RAD51B: variants seen among roughly 807,000 people sequenced by gnomAD.
RAD51B encodes RAD51 paralog B.
In RAD51B, 38 loss-of-function variants were observed where a neutral mutation model predicts 42.2. The observed-to-expected ratio is 0.90, with a 90% CI of 0.70 to 1.18. The LOEUF (loss-of-function observed/expected upper bound fraction) is 1.18, where lower values mean the gene tolerates loss of function less well. Among genes scored for constraint, RAD51B ranks in the 50% most tolerant of loss-of-function variants. The pLI is 0.00. For synonymous variants in RAD51B, 154 were observed against 145.2 expected (o/e 1.06, Z -0.43); for missense variants, 373 against 400.7 (o/e 0.93, Z 0.59).
At chr14:68,624,200 C>T (rs1171547692) in intron 10 of RAD51B, among the ~76,000 whole-genome samples, 1 of 152,184 alleles carries the variant, frequency 6.6e-6, no homozygotes, top group Admixed American at 6.5e-5. Flanking sequence ...GATTTCAGCA[C>T]ATGTTTGATG....
At chr14:68,577,564 C>T (rs1890018137) in intron 10 of RAD51B, among the ~76,000 whole-genome samples, 1 of 152,082 alleles carries the variant, frequency 6.6e-6, no homozygotes, top group Non-Finnish European at 1.5e-5. Context: ...AATCACAAGC[C>T]ATGAGCCAGG....
At chr14:68,570,662 C>T (rs945726607) in intron 10 of RAD51B, among the ~76,000 whole-genome samples, 9 of 152,240 alleles carry the variant, frequency 5.9e-5, no homozygotes, top group African/African-American at 1.9e-4. Flanking sequence ...CTGTGTCCAG[C>T]CCCCATCCCC....
intron 7 of RAD51B, among the ~76,000 whole-genome samples, chr14:68,241,548 A>T (rs943791452): frequency 3.9e-5 from 6 of 152,180 alleles, no homozygotes; most frequent in East Asian, 1.9e-4. Context: ...CTCAAAATAT[A>T]AAAAAATAAA....
At chr14:68,030,810 A>C (rs1051771343) in intron 7 of RAD51B, among the ~76,000 whole-genome samples, 2 of 152,182 alleles carry the variant, frequency 1.3e-5, no homozygotes. Flanking sequence ...ACTAAGCTTA[A>C]TTTAAAGTAA....
At chr14:68,326,038 C>CT (rs763428544) in intron 8 of RAD51B, among the ~76,000 whole-genome samples, 1,543 of 80,440 alleles carry the variant, frequency 0.019, 40 homozygotes, top group Non-Finnish European at 0.03. Flanking sequence ...TTTTTCTTTT[C>CT]TTTTTTTTTT....
At chr14:68,583,681 T>C (rs958537998) in intron 10 of RAD51B, among the ~76,000 whole-genome samples, 2 of 152,150 alleles carry the variant, frequency 1.3e-5, no homozygotes, top group East Asian at 3.9e-4. Context: ...TCAGCTCACA[T>C]GTGCAAGCTC....
At chr14:68,681,160 C>G (rs983474323) in intron 11 of RAD51B, among the ~76,000 whole-genome samples, 4 of 152,132 alleles carry the variant, frequency 2.6e-5, no homozygotes, top group Non-Finnish European at 4.4e-5. Context: ...CCTGGGTGGG[C>G]CTCAGTTTAC....
chr14:68,259,909 G>C (rs2080841705), intron 7 of RAD51B, among the ~76,000 whole-genome samples: 1 of 152,192 alleles, frequency 6.6e-6, no homozygotes, highest in Non-Finnish European at 1.5e-5. Flanking sequence ...GGCCAGGCAT[G>C]TGTTGGGCAT....
chr14:67,983,927 G>GT (rs1010374119), intron 7 of RAD51B, among the ~76,000 whole-genome samples: 153 of 145,050 alleles, frequency 1.1e-3, no homozygotes, highest in East Asian at 1.2e-3. Context: ...GACAGGGCTG[G>GT]TTTTTTTTTT....
intron 10 of RAD51B, among the ~76,000 whole-genome samples, chr14:68,548,222 G>C (rs1033107253): frequency 1.3e-5 from 2 of 152,116 alleles, no homozygotes; most frequent in Non-Finnish European, 2.9e-5. Context: ...CTTAGTGCTG[G>C]GTGAGTTCAT....
At chr14:67,927,573 A>G (rs1213366317) in intron 7 of RAD51B, among the ~76,000 whole-genome samples, 3 of 152,204 alleles carry the variant, frequency 2.0e-5, no homozygotes, top group Non-Finnish European at 4.4e-5. Flanking sequence ...CCACATGTGA[A>G]TGAGAACGTG....
rs188719815 is a variant in RAD51B at position 68,010,995 on chromosome 14, A to G, written c.756+123791A>G. On this transcript the variant is annotated intron_variant, in intron 7 of 10. Coordinates refer to ENST00000471583, the MANE Select transcript of RAD51B (RefSeq NM_133510.4). ...GTAGTTTGGATAATCTTTTGGATGA[A>G]AGAAAGGTAGTGAGTCATACAAAAT... Among the ~76,000 whole-genome samples, 345 of 152,048 alleles carry G rather than the reference A, an allele frequency of 2.3e-3. 5 individuals carry two copies. Among genetic ancestry groups the G allele is most frequent in the East Asian group, 3.5e-3 (18 of 5,188 alleles).
rs892954784 is a variant in RAD51B, at chr14:68,562,957, A to G, written c.1037-31528A>G. 5.1e-6 allele frequency: 5 copies of G among 985,348 alleles called. No individual in the cohort carries two copies. The African/African-American group carries it at 5.2e-5, about 10-fold the overall frequency. 61.0% of individuals were successfully genotyped at this position (985,348 alleles called of 1,614,324 possible). ...CATGTATTGCTACAAAGGAAGCAAT[A>G]GTGTGCTCCACGGAAGGCCCGGGCT... On this transcript the variant is annotated intron_variant, in intron 10 of 10. Coordinates refer to the RAD51B transcript ENST00000487270.
intron 11 of RAD51B, among the ~76,000 whole-genome samples, chr14:68,669,168 A>G (rs548130102): frequency 6.6e-6 from 1 of 152,236 alleles, no homozygotes; most frequent in Non-Finnish European, 1.5e-5. Flanking sequence ...AGACTGTTGG[A>G]AACAGTGGCC....
chr14:68,242,570 A>C (rs1278814457), intron 7 of RAD51B, among the ~76,000 whole-genome samples: 1 of 152,212 alleles, frequency 6.6e-6, no homozygotes, highest in African/African-American at 2.4e-5. Flanking sequence ...GGTACATAGC[A>C]ATCAGGACTT....
chr14:68,336,204 A>G (rs1595722722), intron 8 of RAD51B, among the ~76,000 whole-genome samples: 1 of 152,260 alleles, frequency 6.6e-6, no homozygotes, highest in African/African-American at 2.4e-5. Flanking sequence ...AGAACAAGCT[A>G]TTAAGGAAAC....
chr14:68,129,005 C>T (rs1010580999), intron 7 of RAD51B, among the ~76,000 whole-genome samples: 2 of 152,052 alleles, frequency 1.3e-5, no homozygotes, highest in Non-Finnish European at 2.9e-5. Context: ...TCTTTTTTGT[C>T]ATCAAGGGCA....
Position 68,679,792 on chromosome 14 carries a change from G to A in RAD51B, c.*11+28936G>A, listed in dbSNP as rs114795186. 4.0e-3 allele frequency among the ~76,000 whole-genome samples: 614 copies of A among 152,298 alleles called. 8 individuals are homozygous for A. Among genetic ancestry groups the A allele is most frequent in the African/African-American group, 0.014 (589 of 41,548 alleles). Reference sequence around the variant, plus strand: ...TCTCCTCTTCCACAGCTGTACTTCAGCTGTACCTCAGGCCCCTGATTGCCA... The same window carrying A: ...TCTCCTCTTCCACAGCTGTACTTCAACTGTACCTCAGGCCCCTGATTGCCA... On this transcript the variant is annotated intron_variant, in intron 11 of 11. Transcript: ENST00000488612.
intron 4 of RAD51B, among the ~76,000 whole-genome samples, chr14:67,844,392 G>C (rs1013450711): frequency 1.3e-5 from 2 of 151,610 alleles, no homozygotes; most frequent in East Asian, 1.9e-4. Context: ...TTGAGTTCAG[G>C]TCTTGAATTT....
Sources: gnomAD v4.1 joint callset for allele counts (sites outside exome capture counted in the v4.1 genomes callset) on GRCh38, gnomAD v4.1.1 for gene constraint, MANE v1.5 for transcripts, NCBI Gene and HGNC (gene_info 2026-07-23, HGNC 2026-07-21) for gene names.